The following THADA variants were observed in gnomAD, a reference collection of about 807,000 sequenced individuals.
The protein encoded by THADA is tRNA (32-2'-O)-methyltransferase regulator THADA.
Under a neutral mutation model 219.8 loss-of-function variants are expected in THADA, and 213 were observed. That is an observed-to-expected ratio of 0.97 (90% CI 0.87 to 1.09). The LOEUF is 1.09. Ranked by LOEUF, THADA falls within the 50% of genes least tolerant of loss-of-function variation. The pLI, the probability that THADA is intolerant of heterozygous loss-of-function variation, is 0.00. For missense variants in THADA, 2,956 were observed against 2,311.3 expected, an observed-to-expected ratio of 1.28 and a Z score of -5.72; for synonymous variants, 1,018 against 828.9, an observed-to-expected ratio of 1.23 and a Z score of -3.92.
At chr2:43,549,417 C>T (rs1396272358) in intron 19 of THADA, 49 bp from the exon 20 acceptor site, 3 of 1,532,418 alleles carry the variant, frequency 2.0e-6, no homozygotes, top group Admixed American at 2.5e-5. Flanking sequence ...ACATCACATG[C>T]CAGATTTCCC....
At chr2:43,434,888 G>C (rs1041271616) in intron 26 of THADA, among the ~76,000 whole-genome samples, 5 of 152,202 alleles carry the variant, frequency 3.3e-5, no homozygotes, top group African/African-American at 1.2e-4. Context: ...CAGCTAAACT[G>C]AAAGAGCACT....
chr2:43,478,990 T>C (rs543552620), intron 26 of THADA, among the ~76,000 whole-genome samples: 1 of 152,304 alleles, frequency 6.6e-6, no homozygotes, highest in Non-Finnish European at 1.5e-5. Flanking sequence ...TCTCCAAAAA[T>C]ACTCATTTAT....
At chr2:43,575,682 G>A (rs369026726) in intron 10 of THADA, among the ~76,000 whole-genome samples, 2 of 152,022 alleles carry the variant, frequency 1.3e-5, no homozygotes, top group African/African-American at 2.4e-5. Context: ...GATTACAGGC[G>A]CATGCCCCCA....
At chr2:43,281,074 C>A (rs1170439708) in intron 35 of THADA, among the ~76,000 whole-genome samples, 1 of 152,162 alleles carries the variant, frequency 6.6e-6, no homozygotes, top group African/African-American at 2.4e-5. Flanking sequence ...ACGCAGCATC[C>A]CCATCCTTTC....
chr2:43,363,218 G>C (rs948229565), intron 29 of THADA, among the ~76,000 whole-genome samples: 3 of 152,192 alleles, frequency 2.0e-5, no homozygotes, highest in Non-Finnish European at 4.4e-5. Flanking sequence ...ATTATGTGTT[G>C]TATATAATTA....
At chr2:43,555,959 G>A (rs1476823848) in intron 17 of THADA, 1 of 175,488 alleles carries the variant, frequency 5.7e-6, no homozygotes, top group Non-Finnish European at 1.1e-5. Context: ...GCAGGGGTAT[G>A]ACAGTTAATT....
chr2:43,240,762 A>G (rs1413592484), intron 36 of THADA, among the ~76,000 whole-genome samples: 1 of 152,240 alleles, frequency 6.6e-6, no homozygotes, highest in East Asian at 1.9e-4. Flanking sequence ...CCCCAGCTGC[A>G]AAGAACCCAG....
At chr2:43,389,023 T>C (rs1673038595) in intron 29 of THADA, among the ~76,000 whole-genome samples, 1 of 152,196 alleles carries the variant, frequency 6.6e-6, no homozygotes, top group African/African-American at 2.4e-5. Context: ...ATTTACTATA[T>C]ACCAGAGACC....
chr2:43,545,164 C>G (rs1052297131), intron 20 of THADA, among the ~76,000 whole-genome samples: 2 of 151,746 alleles, frequency 1.3e-5, no homozygotes, highest in African/African-American at 2.4e-5. Flanking sequence ...CTGTTTATAT[C>G]CTGGATTACA....
intron 36 of THADA, among the ~76,000 whole-genome samples, chr2:43,264,210 C>G: frequency 6.6e-6 from 1 of 151,676 alleles, no homozygotes; most frequent in East Asian, 1.9e-4. Flanking sequence ...AAACTGAAGT[C>G]TGAATGTAGT....
Position 43,560,295 on chromosome 2 carries a change from T to C in THADA, c.2402A>G (p.Asp801Gly), listed in dbSNP as rs772657204. Residue 801 changes from aspartate to glycine, a missense_variant, in exon 16 of 38, where the codon GAC becomes GGC. Physicochemically the swap from Asp to Gly is moderately conservative, Grantham distance 94 (BLOSUM62 -1). Coordinates refer to ENST00000405975, the MANE Select transcript of THADA (RefSeq NM_022065.5). ...LMECFTSTFEDVKILAFDLLM... is the reference protein window; with the variant it reads ...LMECFTSTFEGVKILAFDLLM... ...AAGATCAAATGCTAAAATTTTCACG[T>C]CTTCAAAAGTGCTGGTAAAACATTC... 1.2e-6 allele frequency: 2 copies of C among 1,612,596 alleles called. No individual in the cohort carries two copies. Among genetic ancestry groups the C allele is most frequent in the South Asian group, 2.2e-5 (2 of 90,752 alleles).
At chr2:43,531,882 T>A (rs747940650) in intron 21 of THADA, among the ~76,000 whole-genome samples, 1 of 152,080 alleles carries the variant, frequency 6.6e-6, no homozygotes, top group African/African-American at 2.4e-5. Context: ...AAAAACCTCT[T>A]AGCAAACTTG....
intron 29 of THADA, among the ~76,000 whole-genome samples, chr2:43,370,986 G>T (rs62137423): frequency 0.011 from 1,739 of 152,246 alleles, 34 homozygotes; most frequent in Non-Finnish European, 0.013. Context: ...TAACAAAAGA[G>T]CTAACATCAC....
chr2:43,358,143 A>T (rs1007567970), intron 29 of THADA, among the ~76,000 whole-genome samples: 1 of 152,146 alleles, frequency 6.6e-6, no homozygotes, highest in African/African-American at 2.4e-5. Flanking sequence ...CCCATGTATG[A>T]ATCTGTATAA....
chr2:43,579,500 A>G (rs1700190970), intron 8 of THADA, among the ~76,000 whole-genome samples: 1 of 152,228 alleles, frequency 6.6e-6, no homozygotes, highest in Admixed American at 6.5e-5. Flanking sequence ...ACACTTCTTT[A>G]TGACATCATA....
At chr2:43,428,808 T>G (rs192591712) in intron 27 of THADA, among the ~76,000 whole-genome samples, 3 of 152,164 alleles carry the variant, frequency 2.0e-5, no homozygotes, top group Non-Finnish European at 4.4e-5. Flanking sequence ...CTATTTTGAT[T>G]AGAACTGTTC....
In THADA at chr2:43,344,317, TTAA is replaced by T; in HGVS notation, c.4228-83_4228-81del. On this transcript the variant is annotated intron_variant, in intron 29 of 37. Transcript: ENST00000405975. ...CTCAGTTCCTCCCTTTTAAGTTTCC[TTAA>T]AATGTTCCCCTCAAAGAAAACAGAC... 2 of 988,608 alleles carry T rather than the reference TTAA, an allele frequency of 2.0e-6. 1 individual carries two copies. Among genetic ancestry groups the T allele is most frequent in the South Asian group, 3.3e-5 (2 of 61,046 alleles). The allele number at this position is 988,608 out of a possible 1,614,324, so 61.2% of individuals were successfully genotyped here. A position where few individuals can be genotyped will look rare whatever the true frequency, so the allele number is the denominator to read the frequency against.
chr2:43,587,350 A>G (rs1307114549), intron 4 of THADA, among the ~76,000 whole-genome samples: 2 of 152,164 alleles, frequency 1.3e-5, no homozygotes, highest in South Asian at 2.1e-4. Flanking sequence ...TCCTCCCGAT[A>G]CAATCTGGCA....
At chr2:43,527,214 G>C (rs147509753) in intron 22 of THADA, among the ~76,000 whole-genome samples, 1 of 152,146 alleles carries the variant, frequency 6.6e-6, no homozygotes, top group African/African-American at 2.4e-5. Flanking sequence ...CAATGGAAAT[G>C]TTTTCCTGGA....
Sources: allele counts gnomAD v4.1 joint callset (sites outside exome capture counted in the v4.1 genomes callset), GRCh38; gene constraint gnomAD v4.1.1; transcripts MANE v1.5; gene names NCBI Gene and HGNC (gene_info 2026-07-23, HGNC 2026-07-21).